The following NAALADL2 variants were observed in gnomAD, a reference collection of about 807,000 sequenced individuals.
NAALADL2 encodes the protein N-acetylated alpha-linked acidic dipeptidase like 2, also known as inactive N-acetylated-alpha-linked acidic dipeptidase-like protein 2.
In NAALADL2, 76 loss-of-function variants were observed where a neutral mutation model predicts 87.2. That is an observed-to-expected ratio of 0.87 (90% CI 0.72 to 1.05). NAALADL2 has a LOEUF of 1.05. Ranked by LOEUF, NAALADL2 falls within the 50% of genes least tolerant of loss-of-function variation. The pLI, the probability that NAALADL2 is intolerant of heterozygous loss-of-function variation, is 0.00. For synonymous variants in NAALADL2, 354 were observed against 331.0 expected (o/e 1.07, Z -0.75); for missense variants, 1,089 against 945.8 (o/e 1.15, Z -1.99).
chr3:174,456,411 CAAAAA>C (rs59833697), intron 1 of NAALADL2, among the ~76,000 whole-genome samples: 1 of 56,380 alleles, frequency 1.8e-5, no homozygotes, highest in African/African-American at 7.1e-5. Flanking sequence ...CAATCCTAAG[CAAAAA>C]AAAAAAAAAA....
At chr3:175,528,939 A>G (rs529990583) in intron 9 of NAALADL2, among the ~76,000 whole-genome samples, 1 of 152,252 alleles carries the variant, frequency 6.6e-6, no homozygotes, top group Non-Finnish European at 1.5e-5. Flanking sequence ...ATTGATGACT[A>G]CCTTCTTCTA....
At chr3:175,694,472 C>G (rs1244950786) in intron 11 of NAALADL2, among the ~76,000 whole-genome samples, 1 of 152,088 alleles carries the variant, frequency 6.6e-6, no homozygotes, top group Non-Finnish European at 1.5e-5. Context: ...GATACTGACA[C>G]AAGAGTGGTA....
intron 4 of NAALADL2, among the ~76,000 whole-genome samples, chr3:175,305,401 A>T (rs1757588670): frequency 6.6e-6 from 1 of 152,164 alleles, no homozygotes; most frequent in African/African-American, 2.4e-5. Flanking sequence ...ATTCTGAAAG[A>T]TGTACATCTC....
chr3:174,723,401 A>G (rs1731877780), intron 2 of NAALADL2, among the ~76,000 whole-genome samples: 1 of 152,172 alleles, frequency 6.6e-6, no homozygotes, highest in Non-Finnish European at 1.5e-5. Context: ...GGTGTTCAAT[A>G]AATTGTGACT....
chr3:175,025,691 A>C (rs1298731003), intron 1 of NAALADL2, among the ~76,000 whole-genome samples: 1 of 152,176 alleles, frequency 6.6e-6, no homozygotes, highest in Non-Finnish European at 1.5e-5. Context: ...AAACCCTAGA[A>C]GTATTTTAAT....
intron 5 of NAALADL2, among the ~76,000 whole-genome samples, chr3:175,372,443 C>T (rs1024555548): frequency 3.3e-5 from 5 of 152,144 alleles, no homozygotes; most frequent in Admixed American, 1.3e-4. Context: ...AATGAGAAAT[C>T]GAATGAAGCG....
chr3:175,740,773 GCT>G (rs1167139864), intron 12 of NAALADL2, among the ~76,000 whole-genome samples: 1 of 152,118 alleles, frequency 6.6e-6, no homozygotes. Flanking sequence ...GAAATGTTCT[GCT>G]CTCTCTATGG....
intron 3 of NAALADL2, among the ~76,000 whole-genome samples, chr3:174,801,539 T>G (rs1487024506): frequency 6.6e-6 from 1 of 152,178 alleles, no homozygotes; most frequent in Non-Finnish European, 1.5e-5. Context: ...AGAACATCCT[T>G]GTCTTGCTCT....
At position 174,552,795 on chromosome 3, in the gene NAALADL2, CAAAAAAA is replaced by C. The variant is rs1164243901; in HGVS notation, c.-115+2181_-115+2187del. The stretch of plus-strand genomic sequence containing the variant: ...TGGGCAGCAGAGTGAGACCCTGCCT[CAAAAAAA>C]AAAAAAAAAAAAAAAAAAAAAATCA... On this transcript the variant is annotated intron_variant, in intron 2 of 3. Transcript: ENST00000434257. Among the ~76,000 whole-genome samples the C allele has an allele frequency of 1.2e-3, 70 of 56,004 alleles. No homozygotes were observed. The East Asian group carries it at 0.028, about 22-fold the overall frequency. 36.7% of individuals were successfully genotyped at this position (56,004 alleles called of 152,430 possible).
rs114373580 is a variant in NAALADL2, at chr3:175,672,618, G to A, written c.1896+45232G>A. Among the ~76,000 whole-genome samples the A allele has an allele frequency of 4.5e-3, 678 of 152,236 alleles. 4 individuals are homozygous for A. The highest frequency in any genetic ancestry group is 0.015 in the African/African-American group (636 of 41,540). On this transcript the variant is annotated intron_variant, in intron 11 of 13. Transcript: ENST00000454872. ...AGCAATAGAAGAAGCAGCCAGTTAG[G>A]GGTCATAAATCGGAAGTTTGAACTG...
intron 5 of NAALADL2, among the ~76,000 whole-genome samples, chr3:175,344,005 A>G (rs1198596341): frequency 6.6e-6 from 1 of 152,002 alleles, no homozygotes; most frequent in African/African-American, 2.4e-5. Context: ...AAGTAAGTCC[A>G]TTTCTGTCTC....
intron 1 of NAALADL2, among the ~76,000 whole-genome samples, chr3:174,920,230 G>A (rs1170092341): frequency 6.6e-6 from 1 of 152,128 alleles, no homozygotes; most frequent in Non-Finnish European, 1.5e-5. Context: ...GTCAGGCATC[G>A]ACTCCTCCTC....
intron 6 of NAALADL2, among the ~76,000 whole-genome samples, 198 bp from the exon 7 acceptor site, chr3:175,463,203 C>T (rs16825731): frequency 0.07 from 10,591 of 152,092 alleles, 568 homozygotes; most frequent in East Asian, 0.24. Context: ...TTAGTCATCA[C>T]TGCGTAACAA....
intron 3 of NAALADL2, among the ~76,000 whole-genome samples, chr3:174,821,389 T>A (rs910208254): frequency 2.6e-5 from 4 of 152,204 alleles, no homozygotes; most frequent in Admixed American, 6.5e-5. Context: ...TAGTAGATGA[T>A]CTGGTAACAT....
At chr3:174,878,242 G>T (rs1300031355) in intron 1 of NAALADL2, among the ~76,000 whole-genome samples, 2 of 152,126 alleles carry the variant, frequency 1.3e-5, no homozygotes, top group African/African-American at 2.4e-5. Flanking sequence ...TAAACTGAGT[G>T]TGTAGTAAGT....
intron 2 of NAALADL2, among the ~76,000 whole-genome samples, chr3:175,230,071 T>C (rs1269177257): frequency 6.6e-6 from 1 of 151,950 alleles, no homozygotes; most frequent in African/African-American, 2.4e-5. Context: ...TCATTGCACA[T>C]TAATGGGGCA....
intron 13 of NAALADL2, among the ~76,000 whole-genome samples, chr3:175,791,897 T>G (rs942964986): frequency 1.3e-4 from 19 of 143,500 alleles, no homozygotes; most frequent in Admixed American, 1.3e-3. Flanking sequence ...AATTTGCTTT[T>G]AGAGTTCCCA....
chr3:174,953,853 TCATCTAAAACCAAACACATA>T (rs1740782044), intron 1 of NAALADL2, among the ~76,000 whole-genome samples: 1 of 151,984 alleles, frequency 6.6e-6, no homozygotes, highest in South Asian at 2.1e-4. Flanking sequence ...TTTTTTTTTC[TCATCTAAAACCAAACACATA>T]CAGAAACACA....
chr3:175,023,037 A>G (rs1751758645), intron 1 of NAALADL2, among the ~76,000 whole-genome samples: 1 of 152,052 alleles, frequency 6.6e-6, no homozygotes, highest in African/African-American at 2.4e-5. Context: ...TGGTTGGTCG[A>G]TTAGAAGATA....
Sources: allele counts gnomAD v4.1 joint callset (sites outside exome capture counted in the v4.1 genomes callset), GRCh38; gene constraint gnomAD v4.1.1; transcripts MANE v1.5; gene names NCBI Gene and HGNC (gene_info 2026-07-23, HGNC 2026-07-21).